Variants in LRCH3 observed in about 807,000 individuals in gnomAD.
LRCH3 encodes DISP complex protein LRCH3.
A neutral mutation model predicts 104.5 loss-of-function variants in LRCH3; 68 were observed. The ratio of observed to expected loss-of-function variants is 0.65; its 90% CI spans 0.54 to 0.80. The LOEUF is 0.80. LRCH3 is among the 30% of genes least tolerant of loss of function. LRCH3 has a pLI of 0.00. For missense variants in LRCH3, 951 were observed against 953.9 expected (o/e 1.00, Z 0.04); for synonymous variants, 344 against 361.3 (o/e 0.95, Z 0.54).
chr3:197,792,966 T>G lies in LRCH3; in HGVS notation c.262+1426T>G, dbSNP rs1424709866. Among the ~76,000 whole-genome samples, 4 of 152,088 alleles carry G rather than the reference T, an allele frequency of 2.6e-5. No homozygotes were observed. In the South Asian group the frequency reaches 6.2e-4, roughly 24 times the overall value. On this transcript the variant is annotated intron_variant, in intron 1 of 20. Transcript: ENST00000425562. ...CGCGTCCGGCCAATATTTTGTATTTTTTTGTAGAGACGGGGTTTTGCTATG... is the reference window on the plus strand; with the variant it reads ...CGCGTCCGGCCAATATTTTGTATTTGTTTGTAGAGACGGGGTTTTGCTATG...
At chr3:197,795,106 A>G (rs991215839) in intron 1 of LRCH3, among the ~76,000 whole-genome samples, 1 of 152,200 alleles carries the variant, frequency 6.6e-6, no homozygotes. Flanking sequence ...AGAAGACATC[A>G]CAGAAGACTT....
chr3:197,847,990 TC>T lies in LRCH3; in HGVS notation c.1501del (p.Gln501ArgfsTer24). 1 of 1,614,158 alleles carries T rather than the reference TC, an allele frequency of 6.2e-7. No individual in the cohort carries two copies. Among genetic ancestry groups the T allele is most frequent in the Non-Finnish European group, 8.5e-7 (1 of 1,180,018 alleles). ...GAGGAGAAAATAAGGACCAAGCAGA[TC>T]CAGAGAGATGCTGTCCTGGACTTTG... ...YEEEKIRTKQ[I>X]QRDAVLDFVK... On this transcript the variant is annotated frameshift_variant, in exon 12 of 21. Transcript: ENST00000425562. LOFTEE classifies it high-confidence loss of function.
intron 1 of LRCH3, among the ~76,000 whole-genome samples, chr3:197,803,209 C>T (rs2109123500): frequency 6.6e-6 from 1 of 152,286 alleles, no homozygotes; most frequent in African/African-American, 2.4e-5. Context: ...TTATATGTCT[C>T]ACTTGTGTAA....
At chr3:197,809,537 T>C (rs1732882467) in intron 1 of LRCH3, among the ~76,000 whole-genome samples, 1 of 151,924 alleles carries the variant, frequency 6.6e-6, no homozygotes, top group Non-Finnish European at 1.5e-5. Context: ...ATGACATGAG[T>C]GTTAGATTAT....
At chr3:197,825,219 G>A (rs1443930005) in intron 4 of LRCH3, among the ~76,000 whole-genome samples, 2 of 151,944 alleles carry the variant, frequency 1.3e-5, no homozygotes, top group Non-Finnish European at 2.9e-5. Context: ...ATTTTAAGAT[G>A]GTCCCTGTTT....
chr3:197,882,211 C>G (rs781349389), intron 20 of LRCH3: 16 of 985,392 alleles, frequency 1.6e-5, no homozygotes, highest in Non-Finnish European at 1.9e-5. Context: ...CGCGCAGGTC[C>G]TAGGGCGCTG....
rs773598423 is a variant in LRCH3, at chr3:197,887,147, C to T, written c.*3481C>T. The stretch of plus-strand genomic sequence containing the variant: ...TGAATTTCTTTTTTATGTCAAGATG[C>T]AAAAACAAATCATGATGCTTTTGTT... On this transcript the variant is annotated 3_prime_UTR_variant, in exon 21 of 21. Transcript: ENST00000425562. The T allele has an allele frequency of 6.6e-6, 1 of 151,312 alleles. No homozygotes were observed. The highest frequency in any genetic ancestry group is 2.4e-5 in the African/African-American group (1 of 41,244). 9.4% of individuals were successfully genotyped at this position (151,312 alleles called of 1,614,324 possible). A position where few individuals can be genotyped will look rare whatever the true frequency, so the allele number is the denominator to read the frequency against.
chr3:197,795,594 C>T (rs764337897), intron 1 of LRCH3, among the ~76,000 whole-genome samples: 6 of 151,680 alleles, frequency 4.0e-5, no homozygotes, highest in Non-Finnish European at 7.4e-5. Context: ...TTGGGTCAGC[C>T]GCCATGCCTA....
At chr3:197,815,806 A>G (rs73892117) in intron 2 of LRCH3, among the ~76,000 whole-genome samples, 2,493 of 152,310 alleles carry the variant, frequency 0.016, 50 homozygotes, top group African/African-American at 0.055. Flanking sequence ...AAAAGTTGCA[A>G]ATGTTCATTG....
At chr3:197,843,255 T>C (rs548251949) in intron 10 of LRCH3, among the ~76,000 whole-genome samples, 4 of 152,282 alleles carry the variant, frequency 2.6e-5, no homozygotes, top group African/African-American at 7.2e-5. Context: ...TTTCATGTTA[T>C]ATAGACACAG....
chr3:197,820,219 G>T, intron 3 of LRCH3, 106 bp from the exon 4 acceptor site: 1 of 756,510 alleles, frequency 1.3e-6, no homozygotes, highest in South Asian at 1.6e-5. Flanking sequence ...AAGCTATTAA[G>T]TGAGATACCA....
chr3:197,847,754 T>G (rs999532802), intron 11 of LRCH3, 118 bp from the exon 12 acceptor site: 1 of 900,888 alleles, frequency 1.1e-6, no homozygotes, highest in Non-Finnish European at 1.7e-6. Context: ...CAAGCAATGC[T>G]AGGTGACTTC....
In LRCH3 at chr3:197,858,881, T is replaced by A. The variant is rs181988119; in HGVS notation, c.1692T>A (p.His564Gln). 6.2e-7 allele frequency: 1 copy of A among 1,613,970 alleles called. No individual in the cohort carries two copies. Among genetic ancestry groups the A allele is most frequent in the African/African-American group, 1.3e-5 (1 of 75,054 alleles). ...NQVGCAATLPHSSAFTPLKSD... is the reference protein window; with the variant it reads ...NQVGCAATLPQSSAFTPLKSD... ...TGGGCTGTGCTGCTACCCTGCCTCA[T>A]TCTTCTGCCTTCACGCCTCTTAAGG... The change falls in exon 15 of 21, where the codon CAT becomes CAA. Residue 564 changes from histidine to glutamine, a missense_variant. By Grantham distance (24) the His-to-Gln change is conservative. Coordinates refer to ENST00000425562, the MANE Select transcript of LRCH3 (RefSeq NM_001365715.1).
At chr3:197,829,966 A>G (rs1242817893) in intron 6 of LRCH3, among the ~76,000 whole-genome samples, 1 of 152,226 alleles carries the variant, frequency 6.6e-6, no homozygotes, top group Non-Finnish European at 1.5e-5. Context: ...CCCATTAGAT[A>G]GATGCCAGTA....
chr3:197,836,034 A>T (rs1480385106), intron 9 of LRCH3, among the ~76,000 whole-genome samples: 1 of 152,194 alleles, frequency 6.6e-6, no homozygotes, highest in South Asian at 2.1e-4. Flanking sequence ...TTCAAACAAG[A>T]AGAAAGATTT....
intron 13 of LRCH3, among the ~76,000 whole-genome samples, chr3:197,853,071 C>T (rs1227210440): frequency 1.3e-5 from 2 of 151,520 alleles, no homozygotes; most frequent in Admixed American, 6.6e-5. Flanking sequence ...AATCACTTAA[C>T]CTTTTAAAAA....
At chr3:197,829,043 T>G (rs145023690) in intron 5 of LRCH3, among the ~76,000 whole-genome samples, 7 of 152,292 alleles carry the variant, frequency 4.6e-5, no homozygotes, top group South Asian at 2.1e-4. Context: ...TATAAAACTT[T>G]ATGAGTAAAC....
chr3:197,844,298 C>T (rs1738267619), intron 10 of LRCH3, among the ~76,000 whole-genome samples: 2 of 152,054 alleles, frequency 1.3e-5, no homozygotes, highest in South Asian at 4.1e-4. Flanking sequence ...AGTAAGGTGG[C>T]AAGAATTAGG....
At chr3:197,859,026 A>C (rs1174873562) in intron 15 of LRCH3, 121 bp downstream of exon 15, 4 of 761,056 alleles carry the variant, frequency 5.3e-6, no homozygotes, top group Non-Finnish European at 9.4e-6. Context: ...ATACCTGTTT[A>C]TGGAACTATT....
Sources: gnomAD v4.1 joint callset for allele counts (sites outside exome capture counted in the v4.1 genomes callset) on GRCh38, gnomAD v4.1.1 for gene constraint, MANE v1.5 for transcripts, NCBI Gene and HGNC (gene_info 2026-07-23, HGNC 2026-07-21) for gene names.